Variants in XPO5 observed in about 807,000 individuals in gnomAD.
The protein encoded by XPO5 is exportin 5.
In XPO5, 46 loss-of-function variants were observed where a neutral mutation model predicts 160.6. The ratio of observed to expected loss-of-function variants is 0.29; its 90% CI spans 0.23 to 0.37. The LOEUF is 0.37. Ranked by LOEUF, XPO5 falls within the 10% of genes least tolerant of loss-of-function variation. The pLI is 1.00. For synonymous variants in XPO5, 537 were observed against 519.3 expected (o/e 1.03, Z -0.46); for missense variants, 1,090 against 1,463.9 (o/e 0.74, Z 4.17).
rs756386937 is a variant in XPO5 at position 43,553,415 on chromosome 6, CA to C, written c.1529del (p.Leu510TrpfsTer12). 1.2e-6 allele frequency: 2 copies of C among 1,605,890 alleles called. No homozygotes were observed. Among genetic ancestry groups the C allele is most frequent in the Non-Finnish European group, 1.7e-6 (2 of 1,176,172 alleles). Reference protein sequence around the residue: ...FVQWEAMTLFLESVITQMFRT... With the variant: ...FVQWEAMTLFXESVITQMFRT... The stretch of plus-strand genomic sequence containing the variant: ...GAAACATCTGGGTGATAACACTTTC[CA>C]AAAAAAGAGTCATGGCTTCCCACTG... On this transcript the variant is annotated frameshift_variant, in exon 14 of 32. Transcript: ENST00000265351. LOFTEE classifies it high-confidence loss of function.
intron 10 of XPO5, 86 bp downstream of exon 10, chr6:43,560,838 A>T: frequency 9.0e-7 from 1 of 1,115,074 alleles, no homozygotes; most frequent in Non-Finnish European, 1.4e-6. Flanking sequence ...CATTTTATAC[A>T]TGATCTACAA....
At chr6:43,544,355 CAT>C (rs1171194494) in intron 20 of XPO5, 1 of 152,688 alleles carries the variant, frequency 6.5e-6, no homozygotes, top group Non-Finnish European at 1.5e-5. Flanking sequence ...ATAGTGAACA[CAT>C]GAGAATCTTC....
intron 13 of XPO5, among the ~76,000 whole-genome samples, chr6:43,554,182 C>T (rs908871904): frequency 2.6e-5 from 4 of 152,184 alleles, no homozygotes; most frequent in Admixed American, 2.6e-4. Context: ...TCTCGGCTCA[C>T]TGCAACATTA....
At position 43,547,675 on chromosome 6, in the gene XPO5, T is replaced by A. The variant is rs377740264; in HGVS notation, c.2093A>T (p.Tyr698Phe). The A allele has an allele frequency of 1.9e-6, 3 of 1,613,982 alleles. No individual in the cohort carries two copies. The highest frequency in any genetic ancestry group is 1.7e-5 in the Admixed American group (1 of 60,014). ...VLSDVDAFIA[Y>F]VGTDQKSCDP... Reference sequence around the variant, plus strand: ...ACAGCTCTTCTGATCTGTACCCACATACGCAATGAAAGCATCAACATCTGA... The same window carrying A: ...ACAGCTCTTCTGATCTGTACCCACAAACGCAATGAAAGCATCAACATCTGA... The change falls in exon 19 of 32, where the codon TAT becomes TTT. Residue 698 changes from tyrosine (Y) to phenylalanine (F), a missense_variant. Tyr to Phe is a conservative substitution (Grantham distance 22). This residue lies in a region of XPO5 where 810 missense variants were observed against 1,139.0 expected (regional missense o/e 0.71). Coordinates refer to ENST00000265351, the MANE Select transcript of XPO5 (RefSeq NM_020750.3).
At chr6:43,524,670 G>T (rs775650565) in intron 30 of XPO5, 35 bp from the exon 31 acceptor site, 8 of 1,603,914 alleles carry the variant, frequency 5.0e-6, no homozygotes, top group Non-Finnish European at 6.8e-6. Flanking sequence ...CTGGATGTAG[G>T]TTTGGATATT....
chr6:43,562,157 T>G, intron 9 of XPO5, 90 bp downstream of exon 9: 2 of 997,774 alleles, frequency 2.0e-6, no homozygotes, highest in Non-Finnish European at 3.0e-6. Context: ...CTAAAATCAA[T>G]GACATTTGCA....
At chr6:43,575,580 T>C (rs1325607712) in intron 1 of XPO5, among the ~76,000 whole-genome samples, 180 bp downstream of exon 1, 1 of 151,504 alleles carries the variant, frequency 6.6e-6, no homozygotes, top group East Asian at 1.9e-4. Context: ...GAGCGGCGAG[T>C]AGAGAAGGCG....
intron 20 of XPO5, among the ~76,000 whole-genome samples, chr6:43,536,983 A>C (rs1393884044): frequency 6.6e-6 from 1 of 151,864 alleles, no homozygotes; most frequent in African/African-American, 2.4e-5. Context: ...TTGTTTTTTA[A>C]AGAGACAGGG....
chr6:43,528,036 G>C (rs761624776), intron 25 of XPO5, 123 bp downstream of exon 25: 2 of 1,029,834 alleles, frequency 1.9e-6, no homozygotes, highest in Non-Finnish European at 2.9e-6. Context: ...CACCTAGGCT[G>C]AGAATGACTA....
chr6:43,558,637 C>A (rs1303901352), intron 11 of XPO5, 46 bp from the exon 12 acceptor site: 3 of 1,441,410 alleles, frequency 2.1e-6, no homozygotes, highest in Non-Finnish European at 9.3e-7. Context: ...AGTGGACCCA[C>A]TGAAAGAGTT....
intron 13 of XPO5, among the ~76,000 whole-genome samples, chr6:43,554,417 CTTTTCTTTTTTTTTT>C (rs1761911603): frequency 6.8e-6 from 1 of 146,512 alleles, no homozygotes; most frequent in African/African-American, 2.5e-5. Context: ...AGCCGCTTTT[CTTTTCTTTTTTTTTT>C]TTTTCTTTTT....
chr6:43,546,151 A>ACTC (rs1038394343), intron 20 of XPO5, among the ~76,000 whole-genome samples: 124 of 152,234 alleles, frequency 8.1e-4, no homozygotes, highest in African/African-American at 2.7e-3. Context: ...CTGAGCTCAG[A>ACTC]CTCAGTATTG....
intron 15 of XPO5, among the ~76,000 whole-genome samples, chr6:43,550,326 T>C (rs1469291373): frequency 6.6e-6 from 1 of 152,244 alleles, no homozygotes; most frequent in Middle Eastern, 3.2e-3. Context: ...GCCACTATTA[T>C]GGAATTAAAC....
Position 43,522,528 on chromosome 6 carries a change from G to C in XPO5, c.*1340C>G, listed in dbSNP as rs1793252409. 1 of 241,012 alleles carries C rather than the reference G, an allele frequency of 4.1e-6. No homozygotes were observed. The highest frequency in any genetic ancestry group is 9.3e-6 in the Non-Finnish European group (1 of 107,664). 14.9% of individuals were successfully genotyped at this position (241,012 alleles called of 1,614,324 possible). A position where few individuals can be genotyped will look rare whatever the true frequency, so the allele number is the denominator to read the frequency against. On this transcript the variant is annotated 3_prime_UTR_variant, in exon 32 of 32. Transcript: ENST00000265351. Reference sequence around the variant, plus strand: ...GGAATAGGCAGCTATCAGGTTTGGAGGGAAACACTCTTGAGATCGCCTTCA... The same window carrying C: ...GGAATAGGCAGCTATCAGGTTTGGACGGAAACACTCTTGAGATCGCCTTCA...
Position 43,524,370 on chromosome 6 carries a change from AAT to A in XPO5, c.3477+99_3477+100del, listed in dbSNP as rs1793406057. The A allele has an allele frequency of 7.0e-6, 10 of 1,419,850 alleles. No homozygotes were observed. In the African/African-American group the frequency reaches 8.7e-5, roughly 12 times the overall value. 88.0% of individuals were successfully genotyped at this position (1,419,850 alleles called of 1,614,324 possible). ...CCCATCTCAAAAAAAAAAAAAAAAA[AAT>A]CTCACCATAATGGTCAATAACTACA... is the stretch of plus-strand genomic sequence containing the variant. On this transcript the variant is annotated intron_variant, in intron 31 of 31. Transcript: ENST00000265351.
chr6:43,539,592 G>C, intron 20 of XPO5: 1 of 1,381,702 alleles, frequency 7.2e-7, no homozygotes, highest in East Asian at 2.3e-5. Flanking sequence ...CCACGGCTGC[G>C]ACCCCGGCCC....
At chr6:43,530,422 CAA>C (rs780873253) in intron 23 of XPO5, among the ~76,000 whole-genome samples, 4 of 130,232 alleles carry the variant, frequency 3.1e-5, no homozygotes, top group Non-Finnish European at 5.0e-5. Flanking sequence ...AAGACTGTCT[CAA>C]AAAAAAAAAA....
In XPO5 at chr6:43,522,918, T is replaced by C. The variant is rs1261582642; in HGVS notation, c.*950A>G. The C allele has an allele frequency of 5.8e-6, 1 of 171,010 alleles. No individual in the cohort carries two copies. Among genetic ancestry groups the C allele is most frequent in the Admixed American group, 6.2e-5 (1 of 16,042 alleles). 10.6% of individuals were successfully genotyped at this position (171,010 alleles called of 1,614,324 possible). A position where few individuals can be genotyped will look rare whatever the true frequency, so the allele number is the denominator to read the frequency against. ...TTGTGATGTGAAGGCATGTATTCTT[T>C]TGGAAATGGCCTTTGAGAAAAGTAA... On this transcript the variant is annotated 3_prime_UTR_variant, in exon 32 of 32. Coordinates refer to ENST00000265351, the MANE Select transcript of XPO5 (RefSeq NM_020750.3).
Position 43,555,851 on chromosome 6 carries a change from C to A in XPO5, c.1426G>T (p.Ala476Ser). ...LKYQLSTFLD[A>S]GSVNSCSAVG... ...AAAAACTTACAATTCACAGAACCAG[C>A]ATCAAGAAAAGTTGATAGTTGATAC... Residue 476 changes from alanine to serine, a missense_variant, in exon 13 of 32, where the codon GCT becomes TCT. Physicochemically the swap from Ala to Ser is moderately conservative, Grantham distance 99. Coordinates refer to ENST00000265351, the MANE Select transcript of XPO5 (RefSeq NM_020750.3). 6.2e-7 allele frequency: 1 copy of A among 1,613,840 alleles called. No homozygotes were observed. The highest frequency in any genetic ancestry group is 8.5e-7 in the Non-Finnish European group (1 of 1,179,830).
Sources: allele counts gnomAD v4.1 joint callset (sites outside exome capture counted in the v4.1 genomes callset), GRCh38; gene constraint gnomAD v4.1.1; regional missense constraint gnomAD v4.1.1; transcripts MANE v1.5; gene names NCBI Gene and HGNC (gene_info 2026-07-23, HGNC 2026-07-21).